The following SPECC1L variants were observed in gnomAD, a reference collection of about 807,000 sequenced individuals.
The protein encoded by SPECC1L is cytospin-A.
A neutral mutation model predicts 116.8 loss-of-function variants in SPECC1L; 40 were observed. The ratio of observed to expected loss-of-function variants is 0.34; its 90% CI spans 0.27 to 0.45. SPECC1L has a LOEUF of 0.45. SPECC1L is among the 20% of genes least tolerant of loss of function. The pLI, the probability that SPECC1L is intolerant of heterozygous loss-of-function variation, is 1.00. For synonymous variants in SPECC1L, 504 were observed against 500.6 expected (o/e 1.01, Z -0.09); for missense variants, 1,110 against 1,373.6 (o/e 0.81, Z 3.03).
chr22:24,334,400 T>C lies in SPECC1L; in HGVS notation c.2397-10T>C, dbSNP rs774215308. On this transcript the variant is annotated splice_polypyrimidine_tract_variant and intron_variant, in intron 8 of 16. Coordinates refer to ENST00000314328, the MANE Select transcript of SPECC1L (RefSeq NM_015330.6). ...ATGTAAAAATGCTCTGATTTCAATA[T>C]TATTTTCAGGCAAGAGGAGGAGCGA... 2 of 1,614,050 alleles carry C rather than the reference T, an allele frequency of 1.2e-6. No individual in the cohort carries two copies. The highest frequency in any genetic ancestry group is 2.2e-5 in the South Asian group (2 of 91,088).
chr22:24,290,817 G>T (rs573024877), intron 2 of SPECC1L, among the ~76,000 whole-genome samples: 3 of 152,274 alleles, frequency 2.0e-5, no homozygotes, highest in African/African-American at 7.2e-5. Flanking sequence ...CATAAGAAAG[G>T]TTATGTATAT....
intron 2 of SPECC1L, among the ~76,000 whole-genome samples, chr22:24,298,124 A>G (rs1386275530): frequency 6.6e-6 from 1 of 152,216 alleles, no homozygotes; most frequent in African/African-American, 2.4e-5. Context: ...TATAATATTC[A>G]ATAAATTACA....
intron 14 of SPECC1L, among the ~76,000 whole-genome samples, chr22:24,380,193 C>T (rs1192157831): frequency 6.6e-6 from 1 of 152,196 alleles, no homozygotes; most frequent in Non-Finnish European, 1.5e-5. Context: ...TCTTTTAAAA[C>T]TGAAAGCCAT....
At chr22:24,312,395 A>C (rs1405700767) in intron 3 of SPECC1L, among the ~76,000 whole-genome samples, 1 of 152,242 alleles carries the variant, frequency 6.6e-6, no homozygotes, top group African/African-American at 2.4e-5. Context: ...GTTACTTATG[A>C]ACTATCTTAC....
chr22:24,275,552 CTTTT>C (rs78661499), intron 1 of SPECC1L, among the ~76,000 whole-genome samples: 1 of 133,228 alleles, frequency 7.5e-6, no homozygotes. Context: ...CACCTTTCAC[CTTTT>C]TTTTTTTTTT....
At chr22:24,372,323 C>T (rs2041887621) in intron 14 of SPECC1L, among the ~76,000 whole-genome samples, 1 of 151,906 alleles carries the variant, frequency 6.6e-6, no homozygotes, top group African/African-American at 2.4e-5. Context: ...GGCAGAGACA[C>T]AACAAAAAAA....
At chr22:24,354,258 C>G (rs955856469) in intron 11 of SPECC1L, among the ~76,000 whole-genome samples, 1 of 152,210 alleles carries the variant, frequency 6.6e-6, no homozygotes, top group Non-Finnish European at 1.5e-5. Flanking sequence ...TAGACTATAT[C>G]AGTTTTGTTC....
chr22:24,283,138 G>A lies in SPECC1L; in HGVS notation c.-38+6335G>A, dbSNP rs1884385413. On this transcript the variant is annotated intron_variant, in intron 2 of 16. Transcript: ENST00000314328. ...CTGCTGCCCAGGCTGGAGTGCAGTAGTTCTACCTCGGCTCACTGCAAGCTC... is the reference window on the plus strand; with the variant it reads ...CTGCTGCCCAGGCTGGAGTGCAGTAATTCTACCTCGGCTCACTGCAAGCTC... Among the ~76,000 whole-genome samples the A allele has an allele frequency of 4.6e-5, 7 of 151,530 alleles. No homozygotes were observed. The South Asian group carries it at 1.5e-3, about 31-fold the overall frequency.
intron 2 of SPECC1L, among the ~76,000 whole-genome samples, chr22:24,286,473 G>C (rs1403337895): frequency 2.0e-5 from 3 of 152,132 alleles, no homozygotes; most frequent in Non-Finnish European, 1.5e-5. Flanking sequence ...TCCTAAGTTG[G>C]TAACAGCAAA....
chr22:24,308,398 A>C (rs1338828224), intron 3 of SPECC1L, among the ~76,000 whole-genome samples: 1 of 152,186 alleles, frequency 6.6e-6, no homozygotes, highest in Non-Finnish European at 1.5e-5. Flanking sequence ...ATTTCTAAGG[A>C]GCGAAAGGCA....
intron 14 of SPECC1L, among the ~76,000 whole-genome samples, chr22:24,407,436 C>A (rs1048035374): frequency 6.6e-6 from 1 of 152,158 alleles, no homozygotes; most frequent in East Asian, 1.9e-4. Context: ...CACAGCCAGG[C>A]GGATGGGACA....
At chr22:24,282,242 T>C (rs1376407999) in intron 2 of SPECC1L, among the ~76,000 whole-genome samples, 1 of 152,238 alleles carries the variant, frequency 6.6e-6, no homozygotes, top group Non-Finnish European at 1.5e-5. Flanking sequence ...ATCTTTAGCC[T>C]TCAGCTGCGT....
intron 14 of SPECC1L, among the ~76,000 whole-genome samples, chr22:24,375,898 T>C (rs5760376): frequency 0.078 from 11,879 of 152,008 alleles, 884 homozygotes; most frequent in African/African-American, 0.19. Context: ...TGCAGTGAGC[T>C]GATAACACAC....
intron 2 of SPECC1L, among the ~76,000 whole-genome samples, chr22:24,300,322 T>C (rs181056666): frequency 4.1e-4 from 63 of 152,368 alleles, no homozygotes; most frequent in Middle Eastern, 6.8e-3. Context: ...TTCCTTCTTA[T>C]GGCTGCATAG....
At chr22:24,382,471 G>A (rs2042079492) in intron 14 of SPECC1L, among the ~76,000 whole-genome samples, 1 of 152,120 alleles carries the variant, frequency 6.6e-6, no homozygotes, top group Admixed American at 6.5e-5. Context: ...TTGAGAGGCC[G>A]AGGCAGGCGG....
intron 2 of SPECC1L, among the ~76,000 whole-genome samples, chr22:24,297,268 A>G (rs1447982936): frequency 6.6e-6 from 1 of 151,418 alleles, no homozygotes; most frequent in Non-Finnish European, 1.5e-5. Context: ...GTAGATAGAA[A>G]AAAACTGTTT....
rs1009778712 is a variant in SPECC1L, at chr22:24,321,445, C to T, written c.465C>T (p.Arg155=). The change falls in exon 5 of 17, where the codon CGC becomes CGT. Residue 155 remains arginine, a synonymous_variant. Transcript: ENST00000314328. ...ANDMALAKRS[R]SRTATECDVR... Reference sequence around the variant, plus strand: ...ACATGGCATTGGCCAAACGTTCCCGCAGTCGAACTGCTACAGAATGTGACG... The same window carrying T: ...ACATGGCATTGGCCAAACGTTCCCGTAGTCGAACTGCTACAGAATGTGACG... 9 of 1,614,142 alleles carry T rather than the reference C, an allele frequency of 5.6e-6. No homozygotes were observed. In the Admixed American group the frequency reaches 1.2e-4, roughly 21 times the overall value.
intron 14 of SPECC1L, among the ~76,000 whole-genome samples, chr22:24,372,498 A>G (rs1458661863): frequency 1.3e-5 from 2 of 152,246 alleles, no homozygotes; most frequent in South Asian, 2.1e-4. Flanking sequence ...GTAATCCAGC[A>G]TATAAACAGA....
chr22:24,376,830 T>C (rs1343979638), intron 14 of SPECC1L, among the ~76,000 whole-genome samples: 1 of 151,790 alleles, frequency 6.6e-6, no homozygotes, highest in Non-Finnish European at 1.5e-5. Flanking sequence ...TTTTTTTTTC[T>C]TAAGAAAGAA....
Sources: gnomAD v4.1 joint callset for allele counts (sites outside exome capture counted in the v4.1 genomes callset) on GRCh38, gnomAD v4.1.1 for gene constraint, MANE v1.5 for transcripts, NCBI Gene and HGNC (gene_info 2026-07-23, HGNC 2026-07-21) for gene names.